SPATA9: variants seen among roughly 807,000 people sequenced by gnomAD.
SPATA9 encodes spermatogenesis-associated protein 9.
Under a neutral mutation model 25.5 loss-of-function variants are expected in SPATA9, and 27 were observed. The observed-to-expected ratio is 1.06, with a 90% confidence interval of 0.78 to 1.46. SPATA9 has a LOEUF of 1.46. Among genes scored for constraint, SPATA9 ranks in the 40% most tolerant of loss-of-function variants. SPATA9 has a pLI of 0.00. For synonymous variants in SPATA9, 102 were observed against 105.7 expected (o/e 0.97, Z 0.21); for missense variants, 282 against 297.5 (o/e 0.95, Z 0.38).
chr5:95,710,623 A>C, the SPATA9 span, among the ~76,000 whole-genome samples: 5 of 152,300 alleles, frequency 3.3e-5, no homozygotes, highest in African/African-American at 1.2e-4. Context: ...TTCATGGACA[A>C]ACAGGTGAAA....
At chr5:95,714,375 G>A in the SPATA9 span, among the ~76,000 whole-genome samples, 1 of 152,100 alleles carries the variant, frequency 6.6e-6, no homozygotes, top group African/African-American at 2.4e-5. Context: ...GACAGAACCC[G>A]AAGAAACATC....
the SPATA9 span, among the ~76,000 whole-genome samples, chr5:95,707,695 T>G: frequency 6.6e-6 from 1 of 152,152 alleles, no homozygotes; most frequent in Non-Finnish European, 1.5e-5. Flanking sequence ...AATTGCATTC[T>G]TGGACGTGCT....
chr5:95,710,730 C>A, the SPATA9 span, among the ~76,000 whole-genome samples: 1 of 152,186 alleles, frequency 6.6e-6, no homozygotes, highest in Admixed American at 6.5e-5. Context: ...TCCAAATTAA[C>A]GGGCCATTTC....
intron 1 of SPATA9, among the ~76,000 whole-genome samples, chr5:95,697,687 C>G (rs1754058717): frequency 6.6e-6 from 1 of 152,178 alleles, no homozygotes; most frequent in Non-Finnish European, 1.5e-5. Context: ...TGCAAGTTTT[C>G]CCGAGTTCTA....
At chr5:95,696,972 C>T (rs191133902) in intron 1 of SPATA9, among the ~76,000 whole-genome samples, 1 of 152,344 alleles carries the variant, frequency 6.6e-6, no homozygotes, top group East Asian at 1.9e-4. Context: ...CTATCCTCCA[C>T]TTTGGCTCAT....
chr5:95,703,399 C>G (rs192154893), upstream of SPATA9, among the ~76,000 whole-genome samples: 13 of 152,172 alleles, frequency 8.5e-5, no homozygotes, highest in East Asian at 2.5e-3. Context: ...TTTTGGAGGC[C>G]GAGACAGGTG....
At chr5:95,680,695 C>T (rs1753371643) in intron 2 of SPATA9, among the ~76,000 whole-genome samples, 1 of 152,182 alleles carries the variant, frequency 6.6e-6, no homozygotes, top group Admixed American at 6.5e-5. Context: ...TAACTATACA[C>T]TATAACAACA....
At chr5:95,652,307 T>C (rs1416382502), downstream of SPATA9, 3 of 1,550,576 alleles carry the variant, frequency 1.9e-6, no homozygotes, top group South Asian at 1.2e-5. Flanking sequence ...TTAGACCTTC[T>C]TCCTTATCTA....
the SPATA9 span, among the ~76,000 whole-genome samples, chr5:95,723,874 C>T: frequency 3.9e-5 from 6 of 152,064 alleles, no homozygotes; most frequent in East Asian, 3.9e-4. Flanking sequence ...CTTTTTTGAC[C>T]GAGCACCCCA....
intron 3 of SPATA9, among the ~76,000 whole-genome samples, chr5:95,669,396 G>A (rs2112600408): frequency 6.6e-6 from 1 of 152,212 alleles, no homozygotes; most frequent in East Asian, 1.9e-4. Flanking sequence ...ACCCCAAATT[G>A]GAGTCTAACT....
chr5:95,709,638 A>G, the SPATA9 span, among the ~76,000 whole-genome samples: 5 of 152,194 alleles, frequency 3.3e-5, no homozygotes, highest in East Asian at 7.7e-4. Context: ...GGATGATTTC[A>G]TTAAATAAGA....
chr5:95,711,243 T>TCCTC, the SPATA9 span, among the ~76,000 whole-genome samples: 1 of 152,108 alleles, frequency 6.6e-6, no homozygotes, highest in South Asian at 2.1e-4. Context: ...GTCTCTAGCT[T>TCCTC]CCTCCTCCGG....
At chr5:95,730,468 G>A in the SPATA9 span, among the ~76,000 whole-genome samples, 1 of 152,200 alleles carries the variant, frequency 6.6e-6, no homozygotes, top group South Asian at 2.1e-4. Context: ...AAGCACGTTA[G>A]GGATATTCAT....
rs1214223556 is a variant in SPATA9, at chr5:95,688,011, T to G, written n.124+10577A>C. The stretch of plus-strand genomic sequence containing the variant: ...ACTTCTATGGACAACAGTATGGAGA[T>G]TTTGCAAAGAACTAAAAATAGAACT... On this transcript the variant is annotated intron_variant and non_coding_transcript_variant, in intron 1 of 2. Coordinates refer to the SPATA9 transcript ENST00000379990. 3.9e-5 allele frequency among the ~76,000 whole-genome samples: 6 copies of G among 152,210 alleles called. No individual in the cohort carries two copies. The East Asian group carries it at 1.2e-3, about 29-fold the overall frequency.
At chr5:95,722,796 T>A in the SPATA9 span, among the ~76,000 whole-genome samples, 1 of 152,212 alleles carries the variant, frequency 6.6e-6, no homozygotes, top group East Asian at 1.9e-4. Flanking sequence ...AAGAGTCTTA[T>A]CGCTTTTCAA....
intron 1 of SPATA9, among the ~76,000 whole-genome samples, chr5:95,691,589 TTTTTCTGCTAATTTCTCAGA>T (rs1753893341): frequency 6.6e-6 from 1 of 152,144 alleles, no homozygotes; most frequent in Non-Finnish European, 1.5e-5. Flanking sequence ...CTAATCTCAG[TTTTTCTGCTAATTTCTCAGA>T]TTTTCTACAA....
downstream of SPATA9, chr5:95,654,072 ATGGCTCT>A: frequency 6.2e-7 from 1 of 1,607,894 alleles, no homozygotes; most frequent in Non-Finnish European, 8.5e-7. Flanking sequence ...ATGAATCTTG[ATGGCTCT>A]GCACAAGATC....
chr5:95,661,495 T>C (rs1392106197), intron 4 of SPATA9, among the ~76,000 whole-genome samples: 3 of 152,116 alleles, frequency 2.0e-5, no homozygotes, highest in African/African-American at 7.2e-5. Flanking sequence ...ATAAATTGTG[T>C]GAGATGATTT....
At chr5:95,707,046 A>AT in the SPATA9 span, among the ~76,000 whole-genome samples, 1 of 152,214 alleles carries the variant, frequency 6.6e-6, no homozygotes, top group Non-Finnish European at 1.5e-5. Flanking sequence ...ATAGAAAAGC[A>AT]TTTTTTAGTA....
Sources: gnomAD v4.1 joint callset for allele counts (sites outside exome capture counted in the v4.1 genomes callset) on GRCh38, gnomAD v4.1.1 for gene constraint, MANE v1.5 for transcripts, NCBI Gene and HGNC (gene_info 2026-07-23, HGNC 2026-07-21) for gene names.